Variants in ADIPOR1 observed in about 807,000 individuals in gnomAD.
ADIPOR1 encodes adiponectin receptor 1, also known as adiponectin receptor protein 1.
Under a neutral mutation model 37.5 loss-of-function variants are expected in ADIPOR1, and 15 were observed. The ratio of observed to expected loss-of-function variants is 0.40; its 90% CI spans 0.27 to 0.62. The LOEUF (loss-of-function observed/expected upper bound fraction) is 0.62. ADIPOR1 is among the 20% of genes least tolerant of loss of function. The pLI is 0.42. For synonymous variants in ADIPOR1, 173 were observed against 173.2 expected (o/e 1.00, Z 0.01); for missense variants, 286 against 478.0 (o/e 0.60, Z 3.75).
In ADIPOR1 at chr1:202,946,518, G is replaced by A. The variant is rs757529476; in HGVS notation, c.351C>T (p.Pro117=). The change falls in exon 4 of 8, where the codon CCC becomes CCT. Residue 117 remains proline, a synonymous_variant. Transcript: ENST00000340990. ...TGAAGCAAGCCCGAAAGGAGGGCAT[G>A]GGAGGTCTATGACCATGTAGCAGAT... The part of the protein sequence containing the change: ...NDYLLHGHRP[P]MPSFRACFKS... The A allele has an allele frequency of 1.2e-6, 2 of 1,614,134 alleles. No individual in the cohort carries two copies. Among genetic ancestry groups the A allele is most frequent in the Non-Finnish European group, 1.7e-6 (2 of 1,180,032 alleles).
intron 1 of ADIPOR1, among the ~76,000 whole-genome samples, chr1:202,955,751 G>A (rs1654759418): frequency 6.6e-6 from 1 of 152,014 alleles, no homozygotes; most frequent in Non-Finnish European, 1.5e-5. Flanking sequence ...TTACAGGTGT[G>A]AGCCACCGTG....
intron 7 of ADIPOR1, 92 bp downstream of exon 7, chr1:202,941,933 T>A: frequency 5.8e-6 from 8 of 1,369,486 alleles, no homozygotes; most frequent in Non-Finnish European, 8.0e-6. Flanking sequence ...AAACACTATA[T>A]GATCCCAGTC....
At chr1:202,947,940 T>G (rs1654400057) in intron 3 of ADIPOR1, among the ~76,000 whole-genome samples, 1 of 152,248 alleles carries the variant, frequency 6.6e-6, no homozygotes, top group South Asian at 2.1e-4. Context: ...ACTGTTTCTA[T>G]TCATCATTAC....
At chr1:202,941,848 A>G (rs1654101940) in intron 7 of ADIPOR1, 147 bp from the exon 8 acceptor site, 6 of 1,280,638 alleles carry the variant, frequency 4.7e-6, no homozygotes, top group South Asian at 1.6e-5. Context: ...AAGTTTTAAA[A>G]ACACAGTCCT....
intron 1 of ADIPOR1, among the ~76,000 whole-genome samples, chr1:202,957,535 T>C (rs1181964662): frequency 1.3e-5 from 2 of 152,094 alleles, no homozygotes; most frequent in Admixed American, 1.3e-4. Context: ...AAACAGAAGA[T>C]AGAATACATC....
At chr1:202,958,136 C>A (rs998806770) in intron 1 of ADIPOR1, 49 bp downstream of exon 1, 3 of 152,268 alleles carry the variant, frequency 2.0e-5, no homozygotes, top group Non-Finnish European at 4.4e-5. Context: ...CCGGGGTCCC[C>A]GCGCTCCCGC....
intron 1 of ADIPOR1, chr1:202,954,292 A>C (rs1026095491): frequency 6.6e-6 from 1 of 152,256 alleles, no homozygotes; most frequent in Non-Finnish European, 1.5e-5. Flanking sequence ...TCCATTGTCC[A>C]GTTTGGTCTT....
At position 202,943,146 on chromosome 1, in the gene ADIPOR1, G is replaced by A. The variant is rs574355476; in HGVS notation, c.805+612C>T. On this transcript the variant is annotated intron_variant, in intron 6 of 7. Coordinates refer to ENST00000340990, the MANE Select transcript of ADIPOR1 (RefSeq NM_015999.6). ...GCCCCCCAAAGTGCTGGGATTACAGGCGTGAGCCACTGCTCCCGGACAATA... is the reference window on the plus strand; with the variant it reads ...GCCCCCCAAAGTGCTGGGATTACAGACGTGAGCCACTGCTCCCGGACAATA... 4.6e-5 allele frequency among the ~76,000 whole-genome samples: 7 copies of A among 152,342 alleles called. No individual in the cohort carries two copies. The South Asian group carries it at 1.4e-3, about 32-fold the overall frequency.
At position 202,948,378 on chromosome 1, in the gene ADIPOR1, C is replaced by T. The variant is rs767693457; in HGVS notation, c.184G>A (p.Glu62Lys). The T allele has an allele frequency of 1.2e-6, 2 of 1,614,032 alleles. No individual in the cohort carries two copies. The highest frequency in any genetic ancestry group is 8.5e-7 in the Non-Finnish European group (1 of 1,179,956). The change falls in exon 3 of 8, where the codon GAG becomes AAG. Residue 62 changes from glutamate to lysine, a missense_variant. Transcript: ENST00000340990. Reference protein sequence around the residue: ...QTCPVPQEEEEEVRVLTLPLQ... With the variant: ...QTCPVPQEEEKEVRVLTLPLQ... ...GGAAGTGTCAGTACCCGCACCTCCT[C>T]CTCTTCTTCCTGGGGCACTGGGCAT...
In ADIPOR1 at chr1:202,943,956, C is replaced by A. The variant is rs893391988; in HGVS notation, c.618-11G>T. ...CCTGAATAGTCCAGTCTAAAAAGAA[C>A]CACAAAAATGAAACAAATCAGTGGG... On this transcript the variant is annotated splice_polypyrimidine_tract_variant and intron_variant, in intron 5 of 7. Transcript: ENST00000340990. 1.9e-6 allele frequency: 3 copies of A among 1,602,606 alleles called. No individual in the cohort carries two copies. Among genetic ancestry groups the A allele is most frequent in the Non-Finnish European group, 2.6e-6 (3 of 1,172,690 alleles).
At position 202,951,131 on chromosome 1, in the gene ADIPOR1, C is replaced by T; in HGVS notation, c.-61G>A. On this transcript the variant is annotated 5_prime_UTR_variant, in exon 2 of 8. Transcript: ENST00000340990. ...GGGGAAAGGTTGGGGTCTCTCAGCCCCAGGGGGCAGAGATCTCCCTCTGAT... is the reference window on the plus strand; with the variant it reads ...GGGGAAAGGTTGGGGTCTCTCAGCCTCAGGGGGCAGAGATCTCCCTCTGAT... 1 of 1,604,226 alleles carries T rather than the reference C, an allele frequency of 6.2e-7. No homozygotes were observed.
At chr1:202,941,888 G>C in intron 7 of ADIPOR1, 137 bp downstream of exon 7, 1 of 1,186,048 alleles carries the variant, frequency 8.4e-7, no homozygotes, top group Non-Finnish European at 1.2e-6. Context: ...TGTTAATATT[G>C]ATGATTTACC....
rs12132093 is a variant in ADIPOR1, at chr1:202,956,985, G to A, written c.-95+1200C>T. Among the ~76,000 whole-genome samples, 1,020 of 152,276 alleles carry A rather than the reference G, an allele frequency of 6.7e-3. 5 individuals are homozygous for A. The highest frequency in any genetic ancestry group is 0.012 in the Non-Finnish European group (808 of 68,020). On this transcript the variant is annotated intron_variant, in intron 1 of 7. Coordinates refer to ENST00000340990, the MANE Select transcript of ADIPOR1 (RefSeq NM_015999.6). ...TTTGCGGAGGTCTACCATAACATGG[G>A]CCTTCACAGGTAACATCAGTTTTTA...
Position 202,945,021 on chromosome 1 carries a change from G to T in ADIPOR1, c.579C>A (p.Val193=), listed in dbSNP as rs1257166687. ...GAGAGACTTTCTCTGAATGACAATA[G>T]ACGGTGTGAAAGAGCCAGGAGAAGC... ...CLSFSWLFHT[V]YCHSEKVSRT... Residue 193 remains valine (V), a synonymous_variant, in exon 5 of 8, where the codon GTC becomes GTA. Transcript: ENST00000340990. 6.2e-7 allele frequency: 1 copy of T among 1,613,592 alleles called. No homozygotes were observed. The highest frequency in any genetic ancestry group is 8.5e-7 in the Non-Finnish European group (1 of 1,179,918).
chr1:202,943,393 G>GTAAAAT (rs1342279085), intron 6 of ADIPOR1, among the ~76,000 whole-genome samples: 2 of 152,184 alleles, frequency 1.3e-5, no homozygotes, highest in African/African-American at 4.8e-5. Flanking sequence ...CATTCCCTTA[G>GTAAAAT]TAAAATGCCT....
rs1433852025 is a variant in ADIPOR1, at chr1:202,948,306, T to A, written c.256A>T (p.Lys86Ter). The A allele has an allele frequency of 6.2e-7, 1 of 1,606,724 alleles. No homozygotes were observed. Among genetic ancestry groups the A allele is most frequent in the African/African-American group, 1.3e-5 (1 of 74,826 alleles). ...GGACAGAAGCTCATAGGCCATACCT[T>A]GTACACAAACTCTTCCATCTTCTCC... ...AMEKMEEFVY[K>*]VWEGRWRVIP... is the part of the protein sequence containing the mutation. Residue 86 changes from lysine to a stop codon, truncating the protein, a stop_gained and splice_region_variant, in exon 3 of 8, where the codon AAG (lysine) becomes TAG (stop). Coordinates refer to ENST00000340990, the MANE Select transcript of ADIPOR1 (RefSeq NM_015999.6). LOFTEE classifies it high-confidence loss of function.
intron 2 of ADIPOR1, among the ~76,000 whole-genome samples, chr1:202,949,207 C>G (rs778247723): frequency 5.0e-4 from 76 of 152,110 alleles, no homozygotes; most frequent in Non-Finnish European, 4.4e-4. Context: ...AACTTTGTAT[C>G]TACAGCAGCT....
At chr1:202,953,913 T>C (rs903616856) in intron 1 of ADIPOR1, among the ~76,000 whole-genome samples, 4 of 152,144 alleles carry the variant, frequency 2.6e-5, no homozygotes, top group African/African-American at 9.7e-5. Flanking sequence ...GAGAATAATA[T>C]AGAGAAAATT....
chr1:202,947,889 T>A (rs1654398748), intron 3 of ADIPOR1, among the ~76,000 whole-genome samples: 1 of 152,148 alleles, frequency 6.6e-6, no homozygotes, highest in South Asian at 2.1e-4. Context: ...CCAATAGAAA[T>A]CAGATACTCT....
Sources: allele counts gnomAD v4.1 joint callset (sites outside exome capture counted in the v4.1 genomes callset), GRCh38; gene constraint gnomAD v4.1.1; transcripts MANE v1.5; gene names NCBI Gene and HGNC (gene_info 2026-07-23, HGNC 2026-07-21).